The following EXOC4 variants were observed in gnomAD, a reference collection of about 807,000 sequenced individuals.
The protein encoded by EXOC4 is exocyst complex component 4, also known as SEC8-like 1.
EXOC4 carries 71 observed loss-of-function variants against 107.2 expected under a neutral mutation model. The ratio of observed to expected loss-of-function variants is 0.66; its 90% CI spans 0.55 to 0.81. The LOEUF (loss-of-function observed/expected upper bound fraction) is 0.81, where lower values mean the gene tolerates loss of function less well. EXOC4 is among the 30% of genes least tolerant of loss of function. The pLI, the probability that EXOC4 is intolerant of heterozygous loss-of-function variation, is 0.00. For synonymous variants in EXOC4, 456 were observed against 441.2 expected (o/e 1.03, Z -0.42); for missense variants, 1,108 against 1,189.6 (o/e 0.93, Z 1.01).
rs946526695 is a variant in EXOC4, at chr7:133,434,036, GAAA to G, written c.1183-41291_1183-41289del. The stretch of plus-strand genomic sequence containing the variant: ...CTATTAAAATTCCATTTTATCTTAA[GAAA>G]TAAACATGTAAAGGAATCTGGAGGA... On this transcript the variant is annotated intron_variant, in intron 7 of 17. Transcript: ENST00000253861. 2.0e-5 allele frequency among the ~76,000 whole-genome samples: 3 copies of G among 152,158 alleles called. No individual in the cohort carries two copies. The South Asian group carries it at 6.2e-4, about 32-fold the overall frequency.
At chr7:134,016,256 A>G (rs1363810045) in intron 17 of EXOC4, among the ~76,000 whole-genome samples, 1 of 152,194 alleles carries the variant, frequency 6.6e-6, no homozygotes, top group African/African-American at 2.4e-5. Flanking sequence ...GTGAACAAAC[A>G]GATATGGGGA....
At chr7:133,906,834 A>G (rs938985665) in intron 12 of EXOC4, among the ~76,000 whole-genome samples, 2 of 152,208 alleles carry the variant, frequency 1.3e-5, no homozygotes, top group African/African-American at 4.8e-5. Flanking sequence ...TCCTGCACAG[A>G]TAAGTGTCCG....
intron 17 of EXOC4, among the ~76,000 whole-genome samples, chr7:134,023,976 A>C (rs1795080685): frequency 6.6e-6 from 1 of 152,172 alleles, no homozygotes; most frequent in Admixed American, 6.5e-5. Flanking sequence ...GTGGTGTAAG[A>C]CCTCAGAGAG....
At position 134,040,727 on chromosome 7, in the gene EXOC4, A is replaced by G. The variant is rs554510384; in HGVS notation, c.2688-23564A>G. The stretch of plus-strand genomic sequence containing the variant: ...GCAATATGTAGCTAATTCTGAGGTA[A>G]CTAAAGCTCAATTAACAATATTTGT... On this transcript the variant is annotated intron_variant, in intron 17 of 17. Transcript: ENST00000253861. Among the ~76,000 whole-genome samples the G allele has an allele frequency of 1.9e-4, 29 of 152,342 alleles. No homozygotes were observed. The South Asian group carries it at 3.7e-3, about 20-fold the overall frequency.
intron 17 of EXOC4, among the ~76,000 whole-genome samples, chr7:134,015,945 G>A (rs1258915656): frequency 6.6e-6 from 1 of 151,908 alleles, no homozygotes; most frequent in Non-Finnish European, 1.5e-5. Context: ...GGGGAGTGGG[G>A]ATGGAGGAGA....
At chr7:133,908,032 A>G (rs1446259846) in intron 12 of EXOC4, among the ~76,000 whole-genome samples, 3 of 152,126 alleles carry the variant, frequency 2.0e-5, no homozygotes, top group Non-Finnish European at 4.4e-5. Context: ...TCCAGTACAT[A>G]TCAGTTGCCC....
intron 12 of EXOC4, among the ~76,000 whole-genome samples, chr7:133,916,677 A>C (rs1799815196): frequency 1.3e-5 from 2 of 152,180 alleles, no homozygotes; most frequent in South Asian, 4.1e-4. Flanking sequence ...AATGCCCCCC[A>C]GAGTGACCCC....
intron 7 of EXOC4, among the ~76,000 whole-genome samples, chr7:133,465,570 C>T (rs1798708057): frequency 6.6e-6 from 1 of 152,168 alleles, no homozygotes; most frequent in Non-Finnish European, 1.5e-5. Flanking sequence ...ATGGTACACT[C>T]AACACCATCA....
At chr7:133,473,724 G>A (rs1798938172) in intron 7 of EXOC4, among the ~76,000 whole-genome samples, 2 of 150,480 alleles carry the variant, frequency 1.3e-5, no homozygotes, top group Admixed American at 1.3e-4. Flanking sequence ...TTTTTAAAAC[G>A]GAGCCTCACT....
At chr7:133,509,593 A>G (rs1023002597) in intron 9 of EXOC4, among the ~76,000 whole-genome samples, 5 of 152,182 alleles carry the variant, frequency 3.3e-5, no homozygotes, top group Admixed American at 2.6e-4. Flanking sequence ...CCACTTTGAA[A>G]TTGGAAGCCA....
At position 133,792,395 on chromosome 7, in the gene EXOC4, A is replaced by T. The variant is rs1585148744; in HGVS notation, c.1515-24930A>T. On this transcript the variant is annotated intron_variant, in intron 10 of 17. Coordinates refer to ENST00000253861, the MANE Select transcript of EXOC4 (RefSeq NM_021807.4). ...TAGTGAGACCTCGTCTCTACCAAAA[A>T]TTGAAAAATTAGTCGAGTGGTGTGG... 2.0e-5 allele frequency among the ~76,000 whole-genome samples: 3 copies of T among 151,990 alleles called. No individual in the cohort carries two copies. In the South Asian group the frequency reaches 6.2e-4, roughly 32 times the overall value.
At chr7:133,545,957 T>C (rs1800472224) in intron 9 of EXOC4, among the ~76,000 whole-genome samples, 1 of 152,192 alleles carries the variant, frequency 6.6e-6, no homozygotes, top group Non-Finnish European at 1.5e-5. Flanking sequence ...TTCCTGCTGC[T>C]TCAGTTGGTT....
chr7:134,077,631 C>T, the EXOC4 span, among the ~76,000 whole-genome samples: 2 of 152,180 alleles, frequency 1.3e-5, no homozygotes, highest in African/African-American at 4.8e-5. Flanking sequence ...ATTTTATACA[C>T]ACTTCACAAA....
intron 17 of EXOC4, among the ~76,000 whole-genome samples, chr7:134,014,131 C>T (rs1273333147): frequency 3.3e-5 from 5 of 152,152 alleles, no homozygotes; most frequent in African/African-American, 4.8e-5. Flanking sequence ...AGGTTGGGCG[C>T]GGTGGCTCAC....
intron 12 of EXOC4, among the ~76,000 whole-genome samples, chr7:133,906,909 C>G (rs1799579557): frequency 6.6e-6 from 1 of 152,212 alleles, no homozygotes; most frequent in South Asian, 2.1e-4. Flanking sequence ...TGACCCATGG[C>G]TTCTAATAGA....
At chr7:134,074,196 C>T in the EXOC4 span, among the ~76,000 whole-genome samples, 6 of 152,362 alleles carry the variant, frequency 3.9e-5, no homozygotes, top group East Asian at 1.2e-3. Flanking sequence ...ACCCCAGAGT[C>T]TCTTTCCTTT....
intron 9 of EXOC4, among the ~76,000 whole-genome samples, chr7:133,609,739 C>T (rs563400819): frequency 6.6e-6 from 1 of 152,254 alleles, no homozygotes; most frequent in East Asian, 1.9e-4. Flanking sequence ...CAGGTGGGGT[C>T]GAGCTGACTC....
At chr7:133,576,730 A>G in intron 9 of EXOC4, 1 of 1,289,810 alleles carries the variant, frequency 7.8e-7, no homozygotes, top group Non-Finnish European at 1.0e-6. Context: ...ATGGAGATAG[A>G]GGATATTGGT....
chr7:133,585,994 C>T (rs1172583649), intron 9 of EXOC4, among the ~76,000 whole-genome samples: 1 of 152,016 alleles, frequency 6.6e-6, no homozygotes, highest in Admixed American at 6.5e-5. Flanking sequence ...CACAGCTGGT[C>T]TAGAAATATA....
Sources: gnomAD v4.1 joint callset for allele counts (sites outside exome capture counted in the v4.1 genomes callset) on GRCh38, gnomAD v4.1.1 for gene constraint, MANE v1.5 for transcripts, NCBI Gene and HGNC (gene_info 2026-07-23, HGNC 2026-07-21) for gene names.